PRORP: variants seen among roughly 807,000 people sequenced by gnomAD.
The protein encoded by PRORP is mitochondrial ribonuclease P catalytic subunit.
A neutral mutation model predicts 59.4 loss-of-function variants in PRORP; 51 were observed. The ratio of observed to expected loss-of-function variants is 0.86; its 90% confidence interval spans 0.69 to 1.08. The LOEUF is 1.08. PRORP is among the 50% of genes least tolerant of loss of function. PRORP has a pLI of 0.00. For synonymous variants in PRORP, 231 were observed against 245.6 expected, an observed-to-expected ratio of 0.94 and a Z score of 0.55; for missense variants, 646 against 690.3, an observed-to-expected ratio of 0.94 and a Z score of 0.72.
chr14:35,135,082 C>T (rs907763244), intron 4 of PRORP, among the ~76,000 whole-genome samples: 2 of 152,158 alleles, frequency 1.3e-5, no homozygotes, highest in Admixed American at 6.5e-5. Flanking sequence ...GAGTTCAATG[C>T]AGTGTCTCAC....
rs539485470 is a variant in PRORP, at chr14:35,276,777, A to C, written c.*3211A>C. 6.6e-6 allele frequency: 1 copy of C among 152,298 alleles called. No homozygotes were observed. Among genetic ancestry groups the C allele is most frequent in the Admixed American group, 6.5e-5 (1 of 15,290 alleles). 9.4% of individuals were successfully genotyped at this position (152,298 alleles called of 1,614,324 possible). ...TGAAAGAGCATTGACTTTGCCACTT[A>C]AAAGTATTTCTAAAATACTTTGTGC... is the stretch of plus-strand genomic sequence containing the variant. On this transcript the variant is annotated 3_prime_UTR_variant, in exon 8 of 8. Coordinates refer to ENST00000534898, the MANE Select transcript of PRORP (RefSeq NM_014672.4).
intron 5 of PRORP, among the ~76,000 whole-genome samples, chr14:35,237,333 TCCTCCCACCTAGA>T (rs1373263606): frequency 6.6e-6 from 1 of 151,994 alleles, no homozygotes; most frequent in Non-Finnish European, 1.5e-5. Context: ...ACTCAAGCGA[TCCTCCCACCTAGA>T]CCTCCCAAAG....
chr14:35,196,360 A>G (rs574653685), intron 5 of PRORP, among the ~76,000 whole-genome samples: 2 of 152,242 alleles, frequency 1.3e-5, no homozygotes, highest in African/African-American at 4.8e-5. Flanking sequence ...TGGGTATGGT[A>G]GCACACACCT....
intron 5 of PRORP, among the ~76,000 whole-genome samples, chr14:35,220,679 A>G (rs779921910): frequency 1.3e-5 from 2 of 152,308 alleles, no homozygotes; most frequent in South Asian, 4.1e-4. Context: ...GACAACTACT[A>G]TATTTTCCTG....
intron 5 of PRORP, among the ~76,000 whole-genome samples, chr14:35,221,891 T>C (rs780792828): frequency 5.3e-5 from 8 of 152,240 alleles, no homozygotes; most frequent in Non-Finnish European, 1.5e-5. Flanking sequence ...ATATGCAAGC[T>C]TTCTTTTTGG....
At chr14:35,186,030 A>G (rs1001129431) in intron 5 of PRORP, among the ~76,000 whole-genome samples, 3 of 152,126 alleles carry the variant, frequency 2.0e-5, no homozygotes, top group African/African-American at 7.2e-5. Context: ...ATGAGGAAGT[A>G]TGATTACAAG....
chr14:35,228,932 C>G (rs185335285), intron 5 of PRORP, among the ~76,000 whole-genome samples: 2 of 152,318 alleles, frequency 1.3e-5, no homozygotes, highest in East Asian at 3.9e-4. Flanking sequence ...ATGAGCCTTC[C>G]CTTTTCTCCA....
At chr14:35,125,378 A>C (rs1315567076) in intron 2 of PRORP, among the ~76,000 whole-genome samples, 2 of 151,942 alleles carry the variant, frequency 1.3e-5, no homozygotes, top group Non-Finnish European at 2.9e-5. Context: ...TTATTGCTTT[A>C]GTCTTTTTTA....
chr14:35,270,271 A>G, intron 6 of PRORP, 130 bp from the exon 7 acceptor site: 1 of 781,498 alleles, frequency 1.3e-6, no homozygotes, highest in Non-Finnish European at 2.1e-6. Context: ...GTTCTTAAGT[A>G]TTACTAGCAT....
At chr14:35,153,719 G>A (rs977054866) in intron 4 of PRORP, among the ~76,000 whole-genome samples, 2 of 152,080 alleles carry the variant, frequency 1.3e-5, no homozygotes, top group East Asian at 1.9e-4. Context: ...AGATTAAAAC[G>A]AAATAAAATT....
Position 35,180,520 on chromosome 14 carries a change from G to C in PRORP, c.1168-150G>C, listed in dbSNP as rs1046352829. The C allele has an allele frequency of 1.4e-4, 81 of 566,316 alleles. No individual in the cohort carries two copies. The South Asian group carries it at 1.6e-3, about 11-fold the overall frequency. 35.1% of individuals were successfully genotyped at this position (566,316 alleles called of 1,614,324 possible). A position where few individuals can be genotyped will look rare whatever the true frequency, so the allele number is the denominator to read the frequency against. ...CTGGCTTTTTCAGATTTCATTTGTA[G>C]AGTATCTGTGTGTGTGTGTGTGTGT... On this transcript the variant is annotated intron_variant, in intron 4 of 7. Transcript: ENST00000534898.
intron 4 of PRORP, among the ~76,000 whole-genome samples, chr14:35,163,396 A>G (rs2048109888): frequency 6.6e-6 from 1 of 152,102 alleles, no homozygotes; most frequent in African/African-American, 2.4e-5. Flanking sequence ...ATGACCTAGT[A>G]AGGTGTTGTG....
intron 5 of PRORP, among the ~76,000 whole-genome samples, chr14:35,185,412 C>T (rs979937764): frequency 6.6e-6 from 1 of 152,066 alleles, no homozygotes; most frequent in Non-Finnish European, 1.5e-5. Context: ...TAAATCTTAA[C>T]TTTAAATATT....
At chr14:35,179,558 G>A (rs1355312222) in intron 4 of PRORP, among the ~76,000 whole-genome samples, 13 of 152,106 alleles carry the variant, frequency 8.5e-5, no homozygotes, top group Non-Finnish European at 1.5e-4. Flanking sequence ...CATTCGTCAC[G>A]TAGTTCTCGT....
chr14:35,137,336 C>T (rs2047397969), intron 4 of PRORP, among the ~76,000 whole-genome samples: 1 of 144,616 alleles, frequency 6.9e-6, no homozygotes, highest in Non-Finnish European at 1.5e-5. Context: ...GTAAAAGTAG[C>T]AGGGGTTGCC....
intron 5 of PRORP, among the ~76,000 whole-genome samples, chr14:35,214,499 G>C (rs1035798564): frequency 6.6e-6 from 1 of 152,160 alleles, no homozygotes; most frequent in Non-Finnish European, 1.5e-5. Context: ...GAGGTTGTGT[G>C]GTTATATAAG....
At chr14:35,215,787 G>A (rs576210945) in intron 5 of PRORP, among the ~76,000 whole-genome samples, 1 of 151,020 alleles carries the variant, frequency 6.6e-6, no homozygotes, top group Admixed American at 6.6e-5. Context: ...TTCTTGGGGG[G>A]ACAGGGTCTC....
intron 5 of PRORP, among the ~76,000 whole-genome samples, chr14:35,259,996 T>G (rs1043247918): frequency 7.1e-6 from 1 of 140,606 alleles, no homozygotes; most frequent in Non-Finnish European, 1.5e-5. Flanking sequence ...TTTTCGGGTT[T>G]TTTTTTTTTT....
chr14:35,235,346 T>A, intron 5 of PRORP: 1 of 704,740 alleles, frequency 1.4e-6, no homozygotes, highest in Non-Finnish European at 2.6e-6. Flanking sequence ...GTCTTTGTCT[T>A]CCGAGTTAAC....
Sources: allele counts gnomAD v4.1 joint callset (sites outside exome capture counted in the v4.1 genomes callset), GRCh38; gene constraint gnomAD v4.1.1; transcripts MANE v1.5; gene names NCBI Gene and HGNC (gene_info 2026-07-23, HGNC 2026-07-21).